XIRP2: variants seen among roughly 807,000 people sequenced by gnomAD.
The protein encoded by XIRP2 is xin actin-binding repeat-containing protein 2.
Under a neutral mutation model 277.0 loss-of-function variants are expected in XIRP2, and 236 were observed. That is an observed-to-expected ratio of 0.85 (90% CI 0.77 to 0.95). The LOEUF (loss-of-function observed/expected upper bound fraction) is 0.95, where lower values mean the gene tolerates loss of function less well. Among genes scored for constraint, XIRP2 ranks in the 40% least tolerant of loss-of-function variants. The pLI is 0.00. For missense variants in XIRP2, 4,640 were observed against 4,157.5 expected (o/e 1.12, Z -3.19); for synonymous variants, 1,490 against 1,416.5 (o/e 1.05, Z -1.17).
In XIRP2 at chr2:167,251,758, C is replaced by G. The variant is rs758889474; in HGVS notation, c.10366C>G (p.Pro3456Ala). Reference protein sequence around the residue: ...KSGCDFKHAPPTYEDVIAGHI... With the variant: ...KSGCDFKHAPATYEDVIAGHI... Reference sequence around the variant, plus strand: ...TGGCTGTGACTTCAAGCATGCCCCACCAACCTATGAGGATGTCATTGCTGG... The same window carrying G: ...TGGCTGTGACTTCAAGCATGCCCCAGCAACCTATGAGGATGTCATTGCTGG... The change falls in exon 9 of 11, where the codon CCA becomes GCA. Residue 3456 changes from proline to alanine, a missense_variant. Physicochemically the swap from Pro to Ala is conservative, Grantham distance 27. Coordinates refer to ENST00000409195, the MANE Select transcript of XIRP2 (RefSeq NM_152381.6). 14 of 1,613,188 alleles carry G rather than the reference C, an allele frequency of 8.7e-6. No homozygotes were observed. The East Asian group carries it at 2.9e-4, about 33-fold the overall frequency.
intron 2 of XIRP2, among the ~76,000 whole-genome samples, chr2:167,113,542 A>T (rs928613377): frequency 6.6e-6 from 1 of 152,150 alleles, no homozygotes; most frequent in African/African-American, 2.4e-5. Context: ...ATGTCATTGC[A>T]TGTGAGTGGG....
intron 3 of XIRP2, among the ~76,000 whole-genome samples, chr2:167,209,618 A>G (rs899493507): frequency 1.3e-5 from 2 of 152,108 alleles, no homozygotes; most frequent in Admixed American, 6.6e-5. Context: ...ATGCATATAC[A>G]TAAACTCATA....
chr2:166,951,409 G>GGA (rs1365373400), intron 2 of XIRP2, among the ~76,000 whole-genome samples: 2 of 151,722 alleles, frequency 1.3e-5, no homozygotes, highest in Non-Finnish European at 2.9e-5. Flanking sequence ...AGAGATAAAG[G>GGA]GAGAGAGAGA....
At chr2:167,100,439 G>T (rs1024248688) in intron 2 of XIRP2, among the ~76,000 whole-genome samples, 13 of 152,132 alleles carry the variant, frequency 8.5e-5, no homozygotes, top group Non-Finnish European at 1.6e-4. Context: ...ATACTAGCCT[G>T]TCTAGGATTA....
At chr2:166,909,687 C>T (rs1315627688) in intron 2 of XIRP2, among the ~76,000 whole-genome samples, 1 of 152,184 alleles carries the variant, frequency 6.6e-6, no homozygotes, top group African/African-American at 2.4e-5. Context: ...GCATCCCTGT[C>T]TTGTGCCAGT....
intron 2 of XIRP2, among the ~76,000 whole-genome samples, chr2:167,019,390 T>C (rs1242729484): frequency 6.6e-6 from 1 of 152,056 alleles, no homozygotes; most frequent in Non-Finnish European, 1.5e-5. Flanking sequence ...TAAGTTACTA[T>C]GGAGAGTAAG....
At chr2:166,928,775 C>A (rs1031415250) in intron 2 of XIRP2, among the ~76,000 whole-genome samples, 1 of 151,944 alleles carries the variant, frequency 6.6e-6, no homozygotes, top group Non-Finnish European at 1.5e-5. Context: ...TGTCTGATTC[C>A]CCTCCACTAC....
At chr2:166,915,228 G>A (rs1288917683) in intron 2 of XIRP2, among the ~76,000 whole-genome samples, 2 of 146,558 alleles carry the variant, frequency 1.4e-5, no homozygotes, top group Non-Finnish European at 3.0e-5. Flanking sequence ...ATGAATCTGG[G>A]AGGTGGAGCT....
At chr2:167,098,439 C>G (rs938125378) in intron 2 of XIRP2, among the ~76,000 whole-genome samples, 2 of 152,204 alleles carry the variant, frequency 1.3e-5, no homozygotes, top group African/African-American at 4.8e-5. Context: ...TTCTAGTCAG[C>G]ATTTCCTCTA....
In XIRP2 at chr2:167,248,250, G is replaced by A; in HGVS notation, c.6858G>A (p.Glu2286=). The A allele has an allele frequency of 1.2e-6, 2 of 1,613,234 alleles. No individual in the cohort carries two copies. Among genetic ancestry groups the A allele is most frequent in the Admixed American group, 1.7e-5 (1 of 59,880 alleles). ...CTGAGAATAATGTAAAAGAAAGTGA[G>A]TGCCCCCTTCCACCTCCATCTCCAC... ...FNPENNVKES[E]CPLPPPSPPP... The change falls in exon 9 of 11, where the codon GAG becomes GAA. Residue 2286 remains glutamate (E), a synonymous_variant. Coordinates refer to ENST00000409195, the MANE Select transcript of XIRP2 (RefSeq NM_152381.6).
In XIRP2 at chr2:167,242,815, C is replaced by T. The variant is rs1444224133; in HGVS notation, c.1423C>T (p.Leu475=). The T allele has an allele frequency of 9.9e-6, 16 of 1,614,094 alleles. No individual in the cohort carries two copies. Among genetic ancestry groups the T allele is most frequent in the Non-Finnish European group, 1.4e-5 (16 of 1,179,954 alleles). Residue 475 remains leucine, a synonymous_variant, in exon 9 of 11, where the codon CTG becomes TTG. Coordinates refer to ENST00000409195, the MANE Select transcript of XIRP2 (RefSeq NM_152381.6). ...DVTAFSQSPE[L]PSPPRRLPVP... is the part of the protein sequence containing the mutation. ...GACAGCATTTTCCCAGTCCCCTGAA[C>T]TGCCCAGTCCTCCTAGAAGACTACC...
chr2:167,071,342 C>T (rs528659221), intron 2 of XIRP2, among the ~76,000 whole-genome samples: 14 of 136,432 alleles, frequency 1.0e-4, no homozygotes, highest in Non-Finnish European at 1.8e-4. Flanking sequence ...TTCCTGCAAA[C>T]ATCTACACCA....
chr2:166,969,688 G>T (rs1171275397), intron 2 of XIRP2, among the ~76,000 whole-genome samples: 1 of 150,534 alleles, frequency 6.6e-6, no homozygotes, highest in Non-Finnish European at 1.5e-5. Context: ...TCTATTCAAA[G>T]AACTCATTAA....
intron 2 of XIRP2, among the ~76,000 whole-genome samples, chr2:166,978,449 ATATAT>A (rs1179567742): frequency 6.6e-6 from 1 of 152,166 alleles, no homozygotes; most frequent in Non-Finnish European, 1.5e-5. Context: ...TGTAAAATTA[ATATAT>A]TAGTTTGGAG....
intron 2 of XIRP2, among the ~76,000 whole-genome samples, chr2:166,999,064 A>G (rs1687297543): frequency 6.6e-6 from 1 of 152,218 alleles, no homozygotes; most frequent in African/African-American, 2.4e-5. Context: ...TGATAAAATA[A>G]CCATCTATTC....
intron 4 of XIRP2, among the ~76,000 whole-genome samples, 165 bp downstream of exon 4, chr2:167,211,060 A>G (rs1438166405): frequency 1.3e-5 from 2 of 152,188 alleles, no homozygotes; most frequent in East Asian, 1.9e-4. Flanking sequence ...TTAAGTTTCA[A>G]CTGTGCTACT....
chr2:167,199,126 T>G (rs1422271550), intron 3 of XIRP2, among the ~76,000 whole-genome samples: 1 of 152,194 alleles, frequency 6.6e-6, no homozygotes, highest in African/African-American at 2.4e-5. Context: ...TTTTAATATC[T>G]TTTGTCAAAA....
chr2:166,905,485 C>A (rs1221838907), intron 2 of XIRP2, among the ~76,000 whole-genome samples: 1 of 151,628 alleles, frequency 6.6e-6, no homozygotes, highest in African/African-American at 2.4e-5. Flanking sequence ...AGGTGGTTTG[C>A]CATCTAGTAA....
chr2:167,210,017 T>C (rs1339871456), intron 3 of XIRP2, among the ~76,000 whole-genome samples: 2 of 152,152 alleles, frequency 1.3e-5, no homozygotes, highest in Non-Finnish European at 1.5e-5. Context: ...CCTGCCTTTT[T>C]GCCAAGTAGA....
Sources: allele counts gnomAD v4.1 joint callset (sites outside exome capture counted in the v4.1 genomes callset), GRCh38; gene constraint gnomAD v4.1.1; transcripts MANE v1.5; gene names NCBI Gene and HGNC (gene_info 2026-07-23, HGNC 2026-07-21).